SLC17A8: variants seen among roughly 807,000 people sequenced by gnomAD.
SLC17A8 encodes vesicular glutamate transporter 3.
In SLC17A8, 31 loss-of-function variants were observed where a neutral mutation model predicts 58.0. The observed-to-expected ratio is 0.53, with a 90% CI of 0.40 to 0.72. SLC17A8 has a LOEUF of 0.72. Among genes scored for constraint, SLC17A8 ranks in the 30% least tolerant of loss-of-function variants. SLC17A8 has a pLI of 0.00. For synonymous variants in SLC17A8, 228 were observed against 249.0 expected (o/e 0.92, Z 0.79); for missense variants, 655 against 727.8 (o/e 0.90, Z 1.15).
intron 1 of SLC17A8, among the ~76,000 whole-genome samples, chr12:100,371,438 T>C (rs1328706965): frequency 6.6e-6 from 1 of 152,264 alleles, no homozygotes; most frequent in African/African-American, 2.4e-5. Context: ...AGGCGCTTTC[T>C]GATTAGTTCG....
At chr12:100,374,000 G>C (rs1181848309) in intron 1 of SLC17A8, among the ~76,000 whole-genome samples, 1 of 152,146 alleles carries the variant, frequency 6.6e-6, no homozygotes, top group South Asian at 2.1e-4. Flanking sequence ...AAACACCAGG[G>C]ATGGCAGAGA....
chr12:100,365,889 G>C (rs1415170186), intron 1 of SLC17A8, among the ~76,000 whole-genome samples: 5 of 152,046 alleles, frequency 3.3e-5, no homozygotes, highest in Admixed American at 2.0e-4. Context: ...TATTATGAGA[G>C]AGAACAATCC....
At position 100,399,039 on chromosome 12, in the gene SLC17A8, C is replaced by CT. The variant is rs147715661; in HGVS notation, c.676+2625dup. Among the ~76,000 whole-genome samples, 150 of 152,270 alleles carry CT rather than the reference C, an allele frequency of 9.9e-4. 2 individuals carry two copies. The highest frequency in any genetic ancestry group is 6.9e-3 in the East Asian group (36 of 5,188). On this transcript the variant is annotated intron_variant, in intron 5 of 11. Transcript: ENST00000323346. ...GTAAATTGCTCACACTTGGGTTTGT[C>CT]TTTATCAGCAGCATGAAATCAGACT...
intron 5 of SLC17A8, 132 bp from the exon 6 acceptor site, chr12:100,401,645 C>T (rs775525489): frequency 1.3e-6 from 1 of 785,122 alleles, no homozygotes; most frequent in Non-Finnish European, 2.2e-6. Flanking sequence ...GGGAGTTTGC[C>T]TGTCTCTGCA....
At chr12:100,374,231 G>A (rs1952578715) in intron 1 of SLC17A8, among the ~76,000 whole-genome samples, 1 of 152,186 alleles carries the variant, frequency 6.6e-6, no homozygotes, top group South Asian at 2.1e-4. Flanking sequence ...AGCCTGGTGT[G>A]TTCCATGATA....
At chr12:100,405,853 A>G (rs1952822782) in intron 9 of SLC17A8, among the ~76,000 whole-genome samples, 1 of 152,160 alleles carries the variant, frequency 6.6e-6, no homozygotes, top group Admixed American at 6.5e-5. Context: ...AATGAAAACT[A>G]ACACAGCGGT....
intron 4 of SLC17A8, 39 bp from the exon 5 acceptor site, chr12:100,396,291 C>G (rs1952753213): frequency 6.7e-7 from 1 of 1,498,838 alleles, no homozygotes; most frequent in Non-Finnish European, 9.3e-7. Context: ...GCAGAAACTA[C>G]AGTCAAATCA....
chr12:100,402,950 G>A (rs901730091), intron 8 of SLC17A8, among the ~76,000 whole-genome samples: 1 of 152,170 alleles, frequency 6.6e-6, no homozygotes, highest in Non-Finnish European at 1.5e-5. Context: ...GATCAGAGCC[G>A]TATTAAGCTG....
chr12:100,364,065 A>AG (rs1249846778), intron 1 of SLC17A8, among the ~76,000 whole-genome samples: 1 of 151,634 alleles, frequency 6.6e-6, no homozygotes, highest in Admixed American at 6.6e-5. Context: ...AAAAAAAAAA[A>AG]AAAAGCTTCT....
chr12:100,361,271 G>C (rs775983198), intron 1 of SLC17A8, among the ~76,000 whole-genome samples: 10 of 152,182 alleles, frequency 6.6e-5, no homozygotes, highest in Non-Finnish European at 1.0e-4. Context: ...CTTTTGGAAG[G>C]CTCTCTGAGT....
intron 2 of SLC17A8, among the ~76,000 whole-genome samples, chr12:100,387,892 C>T (rs1171582373): frequency 6.6e-6 from 1 of 152,158 alleles, no homozygotes; most frequent in African/African-American, 2.4e-5. Context: ...TAGAAAGCAC[C>T]TTAGTGAAAT....
In SLC17A8 at chr12:100,391,137, A is replaced by G; in HGVS notation, c.473+18A>G. 6.7e-7 allele frequency: 1 copy of G among 1,495,534 alleles called. No homozygotes were observed. Among genetic ancestry groups the G allele is most frequent in the Non-Finnish European group, 9.3e-7 (1 of 1,072,132 alleles). 92.6% of individuals were successfully genotyped at this position (1,495,534 alleles called of 1,614,324 possible). ...GCTAACAGGTAAGATAAATTGATAT[A>G]ACATGATACAAACCAATGAAATGTG... On this transcript the variant is annotated intron_variant, in intron 3 of 11. Transcript: ENST00000323346.
At chr12:100,381,572 G>GAGAGAC (rs1330987175) in intron 2 of SLC17A8, among the ~76,000 whole-genome samples, 1 of 151,420 alleles carries the variant, frequency 6.6e-6, no homozygotes, top group African/African-American at 2.4e-5. Context: ...AAGAGACAGA[G>GAGAGAC]AGAGAGAGAG....
intron 2 of SLC17A8, among the ~76,000 whole-genome samples, chr12:100,386,278 A>C (rs558700822): frequency 1.3e-5 from 2 of 152,124 alleles, no homozygotes; most frequent in Non-Finnish European, 2.9e-5. Context: ...CCATTTTTTT[A>C]AAAATTTATA....
chr12:100,381,458 A>G lies in SLC17A8; in HGVS notation c.354+505A>G, dbSNP rs1044751117. 1.1e-4 allele frequency among the ~76,000 whole-genome samples: 16 copies of G among 152,118 alleles called. No individual in the cohort carries two copies. The East Asian group carries it at 1.2e-3, about 11-fold the overall frequency. On this transcript the variant is annotated intron_variant, in intron 2 of 11. Coordinates refer to ENST00000323346, the MANE Select transcript of SLC17A8 (RefSeq NM_139319.3). ...GAGAGGGCACAGCCCAGACTTCCCT[A>G]TTGTGAACAAATTCCCAAAGTGATG...
intron 9 of SLC17A8, 44 bp downstream of exon 9, chr12:100,404,214 T>G (rs1229147949): frequency 6.2e-7 from 1 of 1,612,202 alleles, no homozygotes; most frequent in Non-Finnish European, 8.5e-7. Flanking sequence ...TTTGTAGAAT[T>G]AGGGTAAACT....
chr12:100,411,628 TC>T (rs1376443175), intron 9 of SLC17A8, among the ~76,000 whole-genome samples: 1 of 152,170 alleles, frequency 6.6e-6, no homozygotes, highest in African/African-American at 2.4e-5. Context: ...AATTGTCTCT[TC>T]CCCCTCCTAA....
At chr12:100,412,078 T>C (rs1317208286) in intron 9 of SLC17A8, among the ~76,000 whole-genome samples, 3 of 152,264 alleles carry the variant, frequency 2.0e-5, no homozygotes, top group East Asian at 1.9e-4. Flanking sequence ...ACCACAGTTA[T>C]ATAGTAGAGT....
rs1178310260 is a variant in SLC17A8, at chr12:100,368,226, G to A, written c.101+10734G>A. Among the ~76,000 whole-genome samples, 8 of 152,288 alleles carry A rather than the reference G, an allele frequency of 5.3e-5. No homozygotes were observed. The South Asian group carries it at 1.0e-3, about 20-fold the overall frequency. On this transcript the variant is annotated intron_variant, in intron 1 of 11. Transcript: ENST00000323346. ...CAAGCTCCTCCTGAAGGCTCTTAAG[G>A]AGGCCTCATGCTTGCCTCTTGCTGG... is the stretch of plus-strand genomic sequence containing the variant.
Sources: gnomAD v4.1 joint callset for allele counts (sites outside exome capture counted in the v4.1 genomes callset) on GRCh38, gnomAD v4.1.1 for gene constraint, MANE v1.5 for transcripts, NCBI Gene and HGNC (gene_info 2026-07-23, HGNC 2026-07-21) for gene names.